EMC1: variants seen among roughly 807,000 people sequenced by gnomAD.
EMC1 encodes KIAA0090.
EMC1 carries 103 observed loss-of-function variants against 128.8 expected under a neutral mutation model. That is an observed-to-expected ratio of 0.80 (90% CI 0.68 to 0.94). EMC1 has a LOEUF of 0.94. Ranked by LOEUF, EMC1 falls within the 40% of genes least tolerant of loss-of-function variation. The probability of loss-of-function intolerance (pLI) is 0.00; values close to 1 mark genes in which losing one functional copy is unlikely to be tolerated. For synonymous variants in EMC1, 442 were observed against 490.4 expected (o/e 0.90, Z 1.30); for missense variants, 1,083 against 1,250.6 (o/e 0.87, Z 2.02).
intron 1 of EMC1, among the ~76,000 whole-genome samples, chr1:19,251,213 C>T (rs1208310474): frequency 1.3e-5 from 2 of 152,176 alleles, no homozygotes; most frequent in African/African-American, 2.4e-5. Flanking sequence ...CTTAGAATGA[C>T]CCCTAACACT....
At chr1:19,244,763 A>G (rs1022463245) in intron 2 of EMC1, 143 bp downstream of exon 2, 1 of 276,386 alleles carries the variant, frequency 3.6e-6, no homozygotes, top group Non-Finnish European at 5.1e-6. Flanking sequence ...GGTAAGACTG[A>G]AAAAAAAAAA....
intron 4 of EMC1, among the ~76,000 whole-genome samples, 167 bp downstream of exon 4, chr1:19,243,447 A>G (rs1246643162): frequency 6.6e-6 from 1 of 152,210 alleles, no homozygotes; most frequent in Non-Finnish European, 1.5e-5. Context: ...CAGGCGCTCA[A>G]TACATGTTGG....
chr1:19,240,184 C>T (rs369137930), intron 7 of EMC1, 113 bp downstream of exon 7: 2 of 1,385,812 alleles, frequency 1.4e-6, no homozygotes, highest in Admixed American at 4.0e-5. Flanking sequence ...GCCTGAATGG[C>T]TTCCACTGCT....
chr1:19,248,075 C>A (rs1329798996), intron 1 of EMC1, among the ~76,000 whole-genome samples: 1 of 151,924 alleles, frequency 6.6e-6, no homozygotes, highest in African/African-American at 2.4e-5. Context: ...CAGATGATAG[C>A]TCCATGGGTG....
At chr1:19,223,125 A>C (rs567630730) in intron 19 of EMC1, 13 of 559,066 alleles carry the variant, frequency 2.3e-5, no homozygotes, top group African/African-American at 1.3e-4. Context: ...TGCTAGACTG[A>C]AGGTGACTGT....
intron 10 of EMC1, among the ~76,000 whole-genome samples, 158 bp from the exon 11 acceptor site, chr1:19,238,297 C>T (rs1462311112): frequency 6.6e-6 from 1 of 152,188 alleles, no homozygotes; most frequent in Non-Finnish European, 1.5e-5. Context: ...CAAGCTAAAT[C>T]CTAAGGCAGA....
At chr1:19,222,258 A>C (rs1439348671) in intron 20 of EMC1, among the ~76,000 whole-genome samples, 1 of 152,164 alleles carries the variant, frequency 6.6e-6, no homozygotes, top group African/African-American at 2.4e-5. Context: ...CCAGGAGTCT[A>C]GATCAGCCTG....
At position 19,220,851 on chromosome 1, in the gene EMC1, A is replaced by T; in HGVS notation, c.2588-3T>A. 6.2e-7 allele frequency: 1 copy of T among 1,610,336 alleles called. No individual in the cohort carries two copies. The highest frequency in any genetic ancestry group is 1.1e-5 in the South Asian group (1 of 90,850). On this transcript the variant is annotated splice_region_variant and splice_polypyrimidine_tract_variant and intron_variant, in intron 20 of 22. Transcript: ENST00000477853. ...AATTGCTCCAGAAGGTAGTCCAACT[A>T]CACAGGAGGAAGTGAATGTTCACAC...
intron 17 of EMC1, among the ~76,000 whole-genome samples, chr1:19,229,069 CCA>C (rs1454134254): frequency 6.6e-5 from 10 of 152,024 alleles, no homozygotes; most frequent in African/African-American, 2.4e-4. Flanking sequence ...AAAGTATGAG[CCA>C]CACACGTGTG....
At chr1:19,229,197 A>G (rs2093501638) in intron 17 of EMC1, among the ~76,000 whole-genome samples, 1 of 152,228 alleles carries the variant, frequency 6.6e-6, no homozygotes, top group Admixed American at 6.5e-5. Context: ...ATGGGGCTAC[A>G]AGGGTCTGTT....
At position 19,216,394 on chromosome 1, in the gene EMC1, G is replaced by T. The variant is rs1387521651; in HGVS notation, c.*2909C>A. The T allele has an allele frequency of 1.3e-5, 2 of 152,104 alleles. No individual in the cohort carries two copies. Among genetic ancestry groups the T allele is most frequent in the African/African-American group, 2.4e-5 (1 of 41,424 alleles). The allele number at this position is 152,104 out of a possible 1,614,324, so 9.4% of individuals were successfully genotyped here. On this transcript the variant is annotated 3_prime_UTR_variant, in exon 23 of 23. Coordinates refer to ENST00000477853, the MANE Select transcript of EMC1 (RefSeq NM_015047.3). Reference sequence around the variant, plus strand: ...GTCTCTAACACTTAAATTAGGAATTGAGTATTTTTTCTATCAGACTTTGTT... The same window carrying T: ...GTCTCTAACACTTAAATTAGGAATTTAGTATTTTTTCTATCAGACTTTGTT...
Position 19,230,913 on chromosome 1 carries a change from A to G in EMC1, c.1995T>C (p.Leu665=), listed in dbSNP as rs1271102984. ...TRNVLRQLHE[L]APSIFFYLVD... ...CCAAATAGAAGAAGATGGAAGGGGC[A>G]AGCTCATGTAGCTGTCGCAAGACAT... is the stretch of plus-strand genomic sequence containing the variant. Residue 665 remains leucine, a synonymous_variant, in exon 17 of 23, where the codon CTT becomes CTC. Transcript: ENST00000477853. 1.2e-6 allele frequency: 2 copies of G among 1,614,114 alleles called. No homozygotes were observed. Among genetic ancestry groups the G allele is most frequent in the Non-Finnish European group, 8.5e-7 (1 of 1,180,050 alleles).
At chr1:19,244,762 GA>G (rs57014131) in intron 2 of EMC1, 143 bp downstream of exon 2, 217,111 of 743,372 alleles carry the variant, frequency 0.29, 24,738 homozygotes, top group East Asian at 0.59. Flanking sequence ...TGGTAAGACT[GA>G]AAAAAAAAAA....
intron 1 of EMC1, among the ~76,000 whole-genome samples, chr1:19,247,735 G>C (rs2093638079): frequency 6.6e-6 from 1 of 152,130 alleles, no homozygotes; most frequent in Non-Finnish European, 1.5e-5. Flanking sequence ...GCTTCAAGAG[G>C]TATTCCAAGC....
rs182144530 is a variant in EMC1 at position 19,238,756 on chromosome 1, G to A, written c.1089+39C>T. 500 of 1,442,956 alleles carry A rather than the reference G, an allele frequency of 3.5e-4. 1 individual carries two copies. The African/African-American group carries it at 5.6e-3, about 16-fold the overall frequency. 89.4% of individuals were successfully genotyped at this position (1,442,956 alleles called of 1,614,324 possible). ...CCAACTCTCTTTGGTGGCCTCCTGC[G>A]TCTCTAGGTCTGGCATACTGCCCAG... On this transcript the variant is annotated intron_variant, in intron 10 of 22. Transcript: ENST00000477853.
chr1:19,234,727 T>C (rs1356230421), intron 13 of EMC1, among the ~76,000 whole-genome samples: 2 of 151,940 alleles, frequency 1.3e-5, no homozygotes, highest in African/African-American at 2.4e-5. Flanking sequence ...ATGCCTGTAA[T>C]CCCAGCTACT....
chr1:19,243,382 A>G lies in EMC1; in HGVS notation c.380+232T>C, dbSNP rs1040052050. Among the ~76,000 whole-genome samples, 10 of 152,348 alleles carry G rather than the reference A, an allele frequency of 6.6e-5. No individual in the cohort carries two copies. In the South Asian group the frequency reaches 1.4e-3, roughly 22 times the overall value. On this transcript the variant is annotated intron_variant, in intron 4 of 22. Transcript: ENST00000477853. Reference sequence around the variant, plus strand: ...AAAACTCACGAATCACAGTGAAATTAGGAACAGCATTCAAGCACAAGCGCA... The same window carrying G: ...AAAACTCACGAATCACAGTGAAATTGGGAACAGCATTCAAGCACAAGCGCA...
intron 11 of EMC1, 126 bp downstream of exon 11, chr1:19,237,891 G>C: frequency 8.1e-7 from 1 of 1,232,610 alleles, no homozygotes; most frequent in South Asian, 1.6e-5. Flanking sequence ...CAGTGGCTCA[G>C]AGAGCACTAG....
chr1:19,238,878 G>A (rs745821055), intron 9 of EMC1, 21 bp from the exon 10 acceptor site: 1 of 1,560,618 alleles, frequency 6.4e-7, no homozygotes, highest in Non-Finnish European at 8.8e-7. Flanking sequence ...GAGAAGGACA[G>A]GAGAAAATTC....
Sources: gnomAD v4.1 joint callset for allele counts (sites outside exome capture counted in the v4.1 genomes callset) on GRCh38, gnomAD v4.1.1 for gene constraint, MANE v1.5 for transcripts, NCBI Gene and HGNC (gene_info 2026-07-23, HGNC 2026-07-21) for gene names.